CCSER2: variants seen among roughly 807,000 people sequenced by gnomAD.
The protein encoded by CCSER2 is serine-rich coiled-coil domain-containing protein 2.
A neutral mutation model predicts 92.3 loss-of-function variants in CCSER2; 46 were observed. That is an observed-to-expected ratio of 0.50 (90% CI 0.39 to 0.64). CCSER2 has a LOEUF of 0.64. Among genes scored for constraint, CCSER2 ranks in the 30% least tolerant of loss-of-function variants. CCSER2 has a pLI of 0.00. For missense variants in CCSER2, 1,244 were observed against 1,238.9 expected, an observed-to-expected ratio of 1.00 and a Z score of -0.06; for synonymous variants, 433 against 431.4, an observed-to-expected ratio of 1.00 and a Z score of -0.04.
intron 3 of CCSER2, among the ~76,000 whole-genome samples, chr10:84,404,576 T>G (rs770447819): frequency 9.2e-5 from 14 of 152,186 alleles, no homozygotes; most frequent in African/African-American, 3.4e-4. Flanking sequence ...CAGTCGAGCA[T>G]GTTTGTCCGA....
chr10:84,332,631 G>A (rs1279224076), intron 1 of CCSER2, among the ~76,000 whole-genome samples: 1 of 150,658 alleles, frequency 6.6e-6, no homozygotes, highest in African/African-American at 2.4e-5. Flanking sequence ...TAGAGATGGG[G>A]TAATCCCTAT....
intron 1 of CCSER2, among the ~76,000 whole-genome samples, chr10:84,352,497 G>C (rs1231929926): frequency 6.6e-6 from 1 of 151,748 alleles, no homozygotes; most frequent in East Asian, 1.9e-4. Flanking sequence ...GAAGAATGAC[G>C]GGGGTGGGGA....
rs1163217226 is a variant in CCSER2, at chr10:84,477,602, T to C, written c.2263T>C (p.Cys755Arg). ...AACTCAGCATATCTGCCACCAAAAA[T>C]GTAAAGAGGAAAAATGCACTTATGC... ...LATQHICHQK[C>R]KEEKCTYADK... Residue 755 changes from cysteine to arginine, a missense_variant, in exon 9 of 10, where the codon TGT (cysteine) becomes CGT (arginine). Cys to Arg is a radical substitution (Grantham distance 180). Coordinates refer to ENST00000372088, the MANE Select transcript of CCSER2 (RefSeq NM_001284240.2). 2 of 1,612,338 alleles carry C rather than the reference T, an allele frequency of 1.2e-6. No homozygotes were observed. Among genetic ancestry groups the C allele is most frequent in the South Asian group, 2.2e-5 (2 of 90,912 alleles).
chr10:84,467,402 A>G (rs2133692842), intron 7 of CCSER2, among the ~76,000 whole-genome samples: 1 of 152,176 alleles, frequency 6.6e-6, no homozygotes, highest in Admixed American at 6.5e-5. Context: ...ACACACTTCT[A>G]TTGTATGTCC....
rs778106303 is a variant in CCSER2, at chr10:84,484,018, C to T, written c.2325+6354C>T. On this transcript the variant is annotated intron_variant, in intron 9 of 9. Coordinates refer to ENST00000372088, the MANE Select transcript of CCSER2 (RefSeq NM_001284240.2). ...ATATAATTTTTTTTTTTTTTTGAGACGGAGTCTCGCTCTGTCGTGATCCTG... is the reference window on the plus strand; with the variant it reads ...ATATAATTTTTTTTTTTTTTTGAGATGGAGTCTCGCTCTGTCGTGATCCTG... Among the ~76,000 whole-genome samples, 313 of 129,870 alleles carry T rather than the reference C, an allele frequency of 2.4e-3. 3 individuals are homozygous for T. Among genetic ancestry groups the T allele is most frequent in the Non-Finnish European group, 3.7e-3 (228 of 61,608 alleles). The allele number at this position is 129,870 out of a possible 152,430, so 85.2% of individuals were successfully genotyped here.
intron 1 of CCSER2, among the ~76,000 whole-genome samples, chr10:84,367,902 T>A (rs1845866318): frequency 6.6e-6 from 1 of 152,304 alleles, no homozygotes; most frequent in East Asian, 1.9e-4. Flanking sequence ...TTTGTCTTGC[T>A]CAGGCTTAAT....
chr10:84,438,995 G>A (rs1423217734), intron 6 of CCSER2, among the ~76,000 whole-genome samples: 1 of 152,114 alleles, frequency 6.6e-6, no homozygotes, highest in Non-Finnish European at 1.5e-5. Flanking sequence ...TAAGGTTGTT[G>A]AGAGAATTAG....
At chr10:84,457,615 ATTATATATTTATATATTATATATAATT>A (rs1275472160) in intron 6 of CCSER2, among the ~76,000 whole-genome samples, 7 of 88,786 alleles carry the variant, frequency 7.9e-5, no homozygotes, top group Non-Finnish European at 1.1e-4. Context: ...ATTATATATA[ATTATATATTTATATATTATATATAATT>A]ATATATAATT....
intron 6 of CCSER2, among the ~76,000 whole-genome samples, chr10:84,463,021 A>G (rs1315709747): frequency 6.6e-6 from 1 of 152,196 alleles, no homozygotes; most frequent in Admixed American, 6.5e-5. Context: ...TCAGGGGCTC[A>G]GTCCTGATCA....
intron 9 of CCSER2, among the ~76,000 whole-genome samples, chr10:84,505,939 G>A (rs956645001): frequency 6.6e-6 from 1 of 151,748 alleles, no homozygotes; most frequent in Non-Finnish European, 1.5e-5. Context: ...TAAATATACT[G>A]TGTCTATTGA....
chr10:84,511,366 G>T (rs533363012), intron 9 of CCSER2, among the ~76,000 whole-genome samples: 2 of 152,206 alleles, frequency 1.3e-5, no homozygotes, highest in East Asian at 3.9e-4. Flanking sequence ...AATTTATAGT[G>T]CACAATGGCC....
chr10:84,477,354 G>A (rs1847209297), intron 8 of CCSER2, among the ~76,000 whole-genome samples: 1 of 152,102 alleles, frequency 6.6e-6, no homozygotes, highest in South Asian at 2.1e-4. Flanking sequence ...CAAAAAAGTA[G>A]CCAGAACTAT....
chr10:84,440,453 C>G (rs1243202538), intron 6 of CCSER2, among the ~76,000 whole-genome samples: 1 of 152,006 alleles, frequency 6.6e-6, no homozygotes, highest in Non-Finnish European at 1.5e-5. Context: ...CAATGTGATA[C>G]GTATATATAG....
Position 84,516,921 on chromosome 10 carries a change from T to C in CCSER2, c.*2654T>C, listed in dbSNP as rs901347836. 6.6e-6 allele frequency: 1 copy of C among 152,208 alleles called. No individual in the cohort carries two copies. The highest frequency in any genetic ancestry group is 1.5e-5 in the Non-Finnish European group (1 of 68,026). 9.4% of individuals were successfully genotyped at this position (152,208 alleles called of 1,614,324 possible). A position where few individuals can be genotyped will look rare whatever the true frequency, so the allele number is the denominator to read the frequency against. Reference sequence around the variant, plus strand: ...GACATAAAGTATTTGCCTGCAGTTTTCATTAAAAACTGCAAGAATATCATG... The same window carrying C: ...GACATAAAGTATTTGCCTGCAGTTTCCATTAAAAACTGCAAGAATATCATG... On this transcript the variant is annotated 3_prime_UTR_variant, in exon 10 of 10. Transcript: ENST00000372088.
intron 5 of CCSER2, among the ~76,000 whole-genome samples, chr10:84,435,781 A>T (rs965907738): frequency 4.6e-5 from 7 of 152,210 alleles, no homozygotes; most frequent in African/African-American, 1.7e-4. Flanking sequence ...GTATACTGTA[A>T]TAAATACTAT....
chr10:84,445,360 A>G (rs1844848023), intron 6 of CCSER2, among the ~76,000 whole-genome samples: 1 of 152,156 alleles, frequency 6.6e-6, no homozygotes, highest in African/African-American at 2.4e-5. Context: ...TCACCATGTT[A>G]GCCAGGATGA....
chr10:84,482,563 A>G (rs1847518835), intron 9 of CCSER2, among the ~76,000 whole-genome samples: 1 of 152,222 alleles, frequency 6.6e-6, no homozygotes, highest in Non-Finnish European at 1.5e-5. Context: ...CAGTATTTAA[A>G]AATATGAATA....
intron 9 of CCSER2, among the ~76,000 whole-genome samples, chr10:84,499,244 T>G (rs775217982): frequency 3.9e-5 from 6 of 152,138 alleles, no homozygotes; most frequent in Non-Finnish European, 8.8e-5. Context: ...CAAGCAATTC[T>G]CCTGCCTTAG....
At position 84,371,676 on chromosome 10, in the gene CCSER2, C is replaced by T. The variant is rs780548735; in HGVS notation, c.624C>T (p.Asp208=). ...SSGESLAQSP[D]SSKSINCEKM... ...GAGAAAGCTTAGCTCAATCCCCAGA[C>T]AGTAGTAAATCTATTAATTGTGAAA... Residue 208 remains aspartate (D), a synonymous_variant, in exon 2 of 10, where the codon GAC becomes GAT. Transcript: ENST00000372088. The T allele has an allele frequency of 2.5e-6, 4 of 1,613,764 alleles. No individual in the cohort carries two copies. The highest frequency in any genetic ancestry group is 3.3e-5 in the Admixed American group (2 of 59,960).
Sources: allele counts gnomAD v4.1 joint callset (sites outside exome capture counted in the v4.1 genomes callset), GRCh38; gene constraint gnomAD v4.1.1; transcripts MANE v1.5; gene names NCBI Gene and HGNC (gene_info 2026-07-23, HGNC 2026-07-21).